The following KANSL1 variants were observed in gnomAD, a reference collection of about 807,000 sequenced individuals.
KANSL1 encodes MLL1/MLL complex subunit KANSL1.
KANSL1 carries 22 observed loss-of-function variants against 103.6 expected under a neutral mutation model. The ratio of observed to expected loss-of-function variants is 0.21; its 90% CI spans 0.15 to 0.30. The LOEUF is 0.30. Ranked by LOEUF, KANSL1 falls within the 10% of genes least tolerant of loss-of-function variation. KANSL1 has a pLI of 1.00. For synonymous variants in KANSL1, 600 were observed against 527.6 expected, an observed-to-expected ratio of 1.14 and a Z score of -1.88; for missense variants, 1,337 against 1,399.8, an observed-to-expected ratio of 0.96 and a Z score of 0.72.
chr17:46,112,227 G>C (rs977805447), intron 2 of KANSL1, among the ~76,000 whole-genome samples: 1 of 151,514 alleles, frequency 6.6e-6, no homozygotes, highest in African/African-American at 2.4e-5. Flanking sequence ...AATTAGCCAG[G>C]CATGATGGGG....
chr17:46,062,353 A>G (rs1044654793), intron 6 of KANSL1, among the ~76,000 whole-genome samples: 2 of 127,202 alleles, frequency 1.6e-5, no homozygotes, highest in African/African-American at 5.6e-5. Flanking sequence ...ATATAACAAC[A>G]GCTTTTTTTT....
intron 1 of KANSL1, among the ~76,000 whole-genome samples, chr17:46,185,916 C>A (rs1219948276): frequency 6.6e-6 from 1 of 152,098 alleles, no homozygotes; most frequent in Non-Finnish European, 1.5e-5. Flanking sequence ...GTTAATCCTA[C>A]TTCTATGCTA....
At chr17:46,078,650 TTC>T (rs2078875630) in intron 4 of KANSL1, among the ~76,000 whole-genome samples, 1 of 152,230 alleles carries the variant, frequency 6.6e-6, no homozygotes, top group South Asian at 2.1e-4. Flanking sequence ...TGGCAATACT[TTC>T]TGTCTGAAAT....
intron 2 of KANSL1, among the ~76,000 whole-genome samples, chr17:46,168,966 GGTTTGTAAC>G (rs2046144387): frequency 6.6e-6 from 1 of 152,154 alleles, no homozygotes; most frequent in African/African-American, 2.4e-5. Flanking sequence ...TTATTTCATT[GGTTTGTAAC>G]GCTTACCTAC....
At chr17:46,197,534 T>C (rs1248578783), upstream of KANSL1, among the ~76,000 whole-genome samples, 3 of 152,138 alleles carry the variant, frequency 2.0e-5, no homozygotes, top group South Asian at 4.1e-4. Flanking sequence ...TTCCAGCTAC[T>C]CGGGAGGCTG....
At chr17:46,114,728 A>G (rs1029542864) in intron 2 of KANSL1, among the ~76,000 whole-genome samples, 29 of 152,250 alleles carry the variant, frequency 1.9e-4, no homozygotes, top group Non-Finnish European at 3.7e-4. Context: ...AAATGACAAT[A>G]TCTTGTTTAA....
chr17:46,039,804 T>G lies in KANSL1; in HGVS notation c.2101A>C (p.Lys701Gln), dbSNP rs766739216. Residue 701 changes from lysine (K) to glutamine (Q), a missense_variant, in exon 8 of 15, where the codon AAA becomes CAA. Physicochemically the swap from Lys to Gln is moderately conservative, Grantham distance 53. This residue lies in a region of KANSL1 where 780 missense variants were observed against 923.4 expected (regional missense o/e 0.84). Coordinates refer to ENST00000432791, the MANE Select transcript of KANSL1 (RefSeq NM_015443.4). ...NKPFDKIKPP[K>Q]KLSLKHRAPM... ...GCTCTGTGCTTAAGCGATAACTTTT[T>G]GGGAGGTTTGATTTTGTCAAAAGGC... 1.2e-6 allele frequency: 2 copies of G among 1,614,116 alleles called. No individual in the cohort carries two copies. Among genetic ancestry groups the G allele is most frequent in the East Asian group, 4.5e-5 (2 of 44,900 alleles).
intron 10 of KANSL1, chr17:46,035,420 A>AAAGTCAGC (rs1466038801): frequency 6.6e-6 from 1 of 152,218 alleles, no homozygotes; most frequent in African/African-American, 2.4e-5. Flanking sequence ...GAGAATGTTA[A>AAAGTCAGC]AAGTCAGCAC....
chr17:46,086,679 C>A (rs1488386746), intron 3 of KANSL1, among the ~76,000 whole-genome samples: 1 of 152,060 alleles, frequency 6.6e-6, no homozygotes, highest in Non-Finnish European at 1.5e-5. Context: ...TGGGGTTGGT[C>A]GTGACGGCTC....
chr17:46,062,102 A>AC (rs2078183450), intron 6 of KANSL1, among the ~76,000 whole-genome samples: 2 of 66,538 alleles, frequency 3.0e-5, no homozygotes, highest in African/African-American at 9.7e-5. Context: ...AAAAAAAAAA[A>AC]AAAAAAACAA....
chr17:46,048,752 G>A (rs941739625), intron 7 of KANSL1, among the ~76,000 whole-genome samples: 3 of 151,984 alleles, frequency 2.0e-5, no homozygotes, highest in Non-Finnish European at 2.9e-5. Context: ...ACCCCCATTT[G>A]ATATGTGATT....
chr17:46,153,840 T>C (rs1050950489), intron 2 of KANSL1, among the ~76,000 whole-genome samples: 4 of 152,166 alleles, frequency 2.6e-5, no homozygotes, highest in Admixed American at 2.0e-4. Flanking sequence ...CCCTAGGAGT[T>C]AATTGTCTAA....
In KANSL1 at chr17:46,031,420, T is replaced by C. The variant is rs1275311912; in HGVS notation, c.*56A>G. 1.4e-6 allele frequency: 2 copies of C among 1,464,844 alleles called. No individual in the cohort carries two copies. Among genetic ancestry groups the C allele is most frequent in the East Asian group, 4.9e-5 (2 of 41,072 alleles). 90.7% of individuals were successfully genotyped at this position (1,464,844 alleles called of 1,614,324 possible). A position where few individuals can be genotyped will look rare whatever the true frequency, so the allele number is the denominator to read the frequency against. ...GATGTTTGAATATCAAACGCAGAGA[T>C]TTCTGAAGCTTTAATGCCAATAGTT... On this transcript the variant is annotated 3_prime_UTR_variant, in exon 15 of 15. Transcript: ENST00000432791.
intron 2 of KANSL1, among the ~76,000 whole-genome samples, chr17:46,133,533 A>G (rs148420488): frequency 3.4e-3 from 523 of 152,286 alleles, no homozygotes; most frequent in Non-Finnish European, 5.4e-3. Flanking sequence ...TTGCAACCAC[A>G]TAAGTGAAAG....
intron 8 of KANSL1, chr17:46,039,435 G>GC (rs543631794): frequency 4.0e-5 from 24 of 602,500 alleles, no homozygotes; most frequent in Non-Finnish European, 6.8e-5. Context: ...GAAGACACCT[G>GC]CCCGTAGATG....
At chr17:46,047,661 C>T (rs1402056238) in intron 7 of KANSL1, among the ~76,000 whole-genome samples, 1 of 151,886 alleles carries the variant, frequency 6.6e-6, no homozygotes, top group Non-Finnish European at 1.5e-5. Flanking sequence ...GTGGTGCACA[C>T]TTGTAGTCCC....
At chr17:46,088,399 TA>T (rs1203136423) in intron 3 of KANSL1, 4 of 152,262 alleles carry the variant, frequency 2.6e-5, no homozygotes, top group Non-Finnish European at 4.4e-5. Flanking sequence ...TAAAGTGCTT[TA>T]AAAAACCCTA....
intron 7 of KANSL1, among the ~76,000 whole-genome samples, chr17:46,047,910 A>G (rs2077573344): frequency 8.1e-6 from 1 of 122,970 alleles, no homozygotes; most frequent in Non-Finnish European, 1.8e-5. Flanking sequence ...TCCCTTCCCC[A>G]CTCCCCCCGC....
chr17:46,136,807 T>C (rs1325037038), intron 2 of KANSL1, among the ~76,000 whole-genome samples: 1 of 152,196 alleles, frequency 6.6e-6, no homozygotes, highest in Non-Finnish European at 1.5e-5. Flanking sequence ...TTGTCCAAGG[T>C]GGCAAAACAC....
Sources: gnomAD v4.1 joint callset for allele counts (sites outside exome capture counted in the v4.1 genomes callset) on GRCh38, gnomAD v4.1.1 for gene constraint, gnomAD v4.1.1 regional missense constraint, MANE v1.5 for transcripts, NCBI Gene and HGNC (gene_info 2026-07-23, HGNC 2026-07-21) for gene names.